PPFIA2: variants seen among roughly 807,000 people sequenced by gnomAD.
PPFIA2 encodes the protein liprin-alpha-2.
A neutral mutation model predicts 175.5 loss-of-function variants in PPFIA2; 46 were observed. That is an observed-to-expected ratio of 0.26 (90% CI 0.21 to 0.34). The LOEUF (loss-of-function observed/expected upper bound fraction) is 0.34, where lower values mean the gene tolerates loss of function less well. PPFIA2 is among the 10% of genes least tolerant of loss of function. PPFIA2 has a pLI of 1.00. For synonymous variants in PPFIA2, 568 were observed against 511.4 expected, an observed-to-expected ratio of 1.11 and a Z score of -1.49; for missense variants, 1,179 against 1,506.1, an observed-to-expected ratio of 0.78 and a Z score of 3.60.
chr12:81,748,192 T>G (rs2083297687), intron 3 of PPFIA2, among the ~76,000 whole-genome samples: 1 of 144,248 alleles, frequency 6.9e-6, no homozygotes, highest in Admixed American at 7.3e-5. Context: ...AATTATCTTT[T>G]CTAGTTTTCT....
At chr12:81,613,136 T>C (rs1787280383) in intron 4 of PPFIA2, among the ~76,000 whole-genome samples, 1 of 152,334 alleles carries the variant, frequency 6.6e-6, no homozygotes, top group Non-Finnish European at 1.5e-5. Context: ...TTATTTCATG[T>C]TTTGAAATAT....
intron 21 of PPFIA2, among the ~76,000 whole-genome samples, chr12:81,328,234 T>G (rs2055256729): frequency 6.6e-6 from 1 of 152,206 alleles, no homozygotes; most frequent in Non-Finnish European, 1.5e-5. Flanking sequence ...CTAAATCCAG[T>G]GAGAGTCTGT....
chr12:81,703,434 C>A (rs1413682631), intron 3 of PPFIA2, among the ~76,000 whole-genome samples: 2 of 152,040 alleles, frequency 1.3e-5, no homozygotes, highest in Non-Finnish European at 2.9e-5. Flanking sequence ...CTTAAGTAGT[C>A]CTATCAATCC....
chr12:81,402,903 T>A (rs767086380), intron 8 of PPFIA2, among the ~76,000 whole-genome samples: 1 of 152,142 alleles, frequency 6.6e-6, no homozygotes, highest in East Asian at 1.9e-4. Context: ...TTACAACACT[T>A]TATTGGAACA....
At chr12:81,636,939 T>A (rs2064144603) in intron 4 of PPFIA2, among the ~76,000 whole-genome samples, 1 of 152,070 alleles carries the variant, frequency 6.6e-6, no homozygotes, top group Non-Finnish European at 1.5e-5. Flanking sequence ...TGAAATTTAT[T>A]AAGACACTTC....
chr12:81,694,373 G>A (rs545393207), intron 3 of PPFIA2, among the ~76,000 whole-genome samples: 1 of 152,236 alleles, frequency 6.6e-6, no homozygotes, highest in Non-Finnish European at 1.5e-5. Flanking sequence ...CAGCCTTCTT[G>A]GCATCCTGGT....
chr12:81,642,717 T>TATATTATATACATACATTATGTATATAA lies in PPFIA2; in HGVS notation c.303+34073_303+34074insTTATATACATAATGTATGTATATAATAT, dbSNP rs1407968415. Among the ~76,000 whole-genome samples, 4 of 89,994 alleles carry TATATTATATACATACATTATGTATATAA rather than the reference T, an allele frequency of 4.4e-5. 1 individual carries two copies. The highest frequency in any genetic ancestry group is 7.1e-5 in the Non-Finnish European group (3 of 42,460). 59.0% of individuals were successfully genotyped at this position (89,994 alleles called of 152,430 possible). ...ACATACATGTATATGTATGTATGTA[T>TATATTATATACATACATTATGTATATAA]TATATACATACATGTATATGTATGT... On this transcript the variant is annotated intron_variant, in intron 4 of 32. Coordinates refer to ENST00000549396, the MANE Select transcript of PPFIA2 (RefSeq NM_003625.5).
At chr12:81,630,097 T>G (rs954143354) in intron 4 of PPFIA2, among the ~76,000 whole-genome samples, 1 of 152,150 alleles carries the variant, frequency 6.6e-6, no homozygotes, top group Non-Finnish European at 1.5e-5. Context: ...GGGAGACTCT[T>G]GCAGTTGGAA....
At chr12:81,360,489 G>A (rs11114834) in intron 15 of PPFIA2, among the ~76,000 whole-genome samples, 24,242 of 151,626 alleles carry the variant, frequency 0.16, 2,692 homozygotes, top group East Asian at 0.42. Context: ...ATTACCCAGA[G>A]TCTATCTTTT....
chr12:81,330,184 C>T (rs779001210), intron 21 of PPFIA2, among the ~76,000 whole-genome samples: 7 of 152,044 alleles, frequency 4.6e-5, no homozygotes, highest in African/African-American at 1.4e-4. Context: ...CTCCTACGCA[C>T]GATAGCAACA....
intron 4 of PPFIA2, among the ~76,000 whole-genome samples, chr12:81,642,804 T>TATACATTATATACATAC (rs1567690364): frequency 1.2e-4 from 3 of 24,252 alleles, no homozygotes; most frequent in Admixed American, 6.4e-4. Flanking sequence ...TATATGTATG[T>TATACATTATATACATAC]ATGTATTACA....
chr12:81,681,392 C>A (rs2073601814), intron 3 of PPFIA2, among the ~76,000 whole-genome samples: 1 of 151,864 alleles, frequency 6.6e-6, no homozygotes, highest in Non-Finnish European at 1.5e-5. Flanking sequence ...CATGAAAACC[C>A]AGTAAACCAA....
At chr12:81,525,330 G>A (rs956997343) in intron 4 of PPFIA2, among the ~76,000 whole-genome samples, 1 of 152,128 alleles carries the variant, frequency 6.6e-6, no homozygotes, top group Non-Finnish European at 1.5e-5. Context: ...ATGTAATGAA[G>A]GTCCCAAATC....
At chr12:81,755,807 T>C (rs1170146983) in intron 2 of PPFIA2, among the ~76,000 whole-genome samples, 1 of 152,148 alleles carries the variant, frequency 6.6e-6, no homozygotes, top group Non-Finnish European at 1.5e-5. Context: ...TTGTTCAATT[T>C]TGTATGCACA....
At chr12:81,572,731 GT>G (rs1350829125) in intron 4 of PPFIA2, among the ~76,000 whole-genome samples, 5 of 151,954 alleles carry the variant, frequency 3.3e-5, no homozygotes, top group Non-Finnish European at 4.4e-5. Flanking sequence ...GCTCAGATCT[GT>G]TTTTTAAACA....
chr12:81,706,414 C>T (rs1056957396), intron 3 of PPFIA2, among the ~76,000 whole-genome samples: 2 of 152,110 alleles, frequency 1.3e-5, no homozygotes, highest in African/African-American at 4.8e-5. Flanking sequence ...ACTATCTTTA[C>T]TGTTACTTTT....
chr12:81,684,876 G>A (rs923191333), intron 3 of PPFIA2, among the ~76,000 whole-genome samples: 3 of 151,908 alleles, frequency 2.0e-5, no homozygotes, highest in African/African-American at 7.2e-5. Flanking sequence ...GCATCAGAAG[G>A]AAAAATGCAA....
intron 3 of PPFIA2, among the ~76,000 whole-genome samples, chr12:81,743,852 T>C (rs1003877312): frequency 3.9e-5 from 6 of 152,152 alleles, no homozygotes; most frequent in Non-Finnish European, 7.4e-5. Context: ...CAAGATAAAA[T>C]AAAATATAGA....
At chr12:81,523,273 A>G (rs1208764352) in intron 4 of PPFIA2, among the ~76,000 whole-genome samples, 3 of 151,942 alleles carry the variant, frequency 2.0e-5, no homozygotes, top group African/African-American at 4.9e-5. Context: ...GCATTTTTCT[A>G]GTTAGTAAAT....
Sources: gnomAD v4.1 joint callset for allele counts (sites outside exome capture counted in the v4.1 genomes callset) on GRCh38, gnomAD v4.1.1 for gene constraint, MANE v1.5 for transcripts, NCBI Gene and HGNC (gene_info 2026-07-23, HGNC 2026-07-21) for gene names.